SMARCA2: variants seen among roughly 807,000 people sequenced by gnomAD.
SMARCA2 encodes the protein SWI/SNF related BAF chromatin remodeling complex subunit ATPase 2.
In SMARCA2, 61 loss-of-function variants were observed where a neutral mutation model predicts 199.8. That is an observed-to-expected ratio of 0.31 (90% CI 0.25 to 0.38). SMARCA2 has a LOEUF of 0.38. Among genes scored for constraint, SMARCA2 ranks in the 10% least tolerant of loss-of-function variants. The pLI, the probability that SMARCA2 is intolerant of heterozygous loss-of-function variation, is 1.00. For synonymous variants in SMARCA2, 935 were observed against 732.0 expected (o/e 1.28, Z -4.48); for missense variants, 1,344 against 2,012.2 (o/e 0.67, Z 6.35).
chr9:2,033,634 C>T (rs1819171604), intron 3 of SMARCA2, among the ~76,000 whole-genome samples: 3 of 152,204 alleles, frequency 2.0e-5, no homozygotes, highest in Admixed American at 1.3e-4. Context: ...TAGCAAATTA[C>T]CACAAACAGA....
intron 23 of SMARCA2, among the ~76,000 whole-genome samples, chr9:2,109,525 C>A (rs1438813204): frequency 6.6e-6 from 1 of 152,108 alleles, no homozygotes; most frequent in Admixed American, 6.5e-5. Flanking sequence ...GGGCAAACCA[C>A]CCCCAAGTAT....
intron 29 of SMARCA2, among the ~76,000 whole-genome samples, chr9:2,177,343 T>C (rs930318704): frequency 2.6e-5 from 4 of 152,212 alleles, no homozygotes; most frequent in African/African-American, 7.2e-5. Flanking sequence ...TGAAGTAAGA[T>C]AGTCACATTT....
intron 32 of SMARCA2, among the ~76,000 whole-genome samples, chr9:2,191,012 G>A (rs1442382421): frequency 1.3e-5 from 2 of 149,424 alleles, no homozygotes; most frequent in East Asian, 3.9e-4. Flanking sequence ...CAGCCCCACT[G>A]TCCTCCATGA....
At chr9:2,097,227 C>G in intron 20 of SMARCA2, 158 bp from the exon 21 acceptor site, 2 of 553,750 alleles carry the variant, frequency 3.6e-6, no homozygotes, top group African/African-American at 1.9e-5. Context: ...AACTCAGGAA[C>G]TGCTATATAA....
chr9:2,133,059 G>A (rs1198191766), intron 27 of SMARCA2, among the ~76,000 whole-genome samples: 1 of 152,114 alleles, frequency 6.6e-6, no homozygotes, highest in Non-Finnish European at 1.5e-5. Flanking sequence ...CTGGTCTTGA[G>A]TTATGTCCTC....
At chr9:2,098,279 A>G (rs1429949035) in intron 21 of SMARCA2, among the ~76,000 whole-genome samples, 1 of 152,252 alleles carries the variant, frequency 6.6e-6, no homozygotes, top group African/African-American at 2.4e-5. Context: ...CAGTGTCTGC[A>G]CCAATTTATT....
intron 9 of SMARCA2, among the ~76,000 whole-genome samples, chr9:2,063,740 A>AT (rs78255618): frequency 0.81 from 120,430 of 149,100 alleles, 49,107 homozygotes; most frequent in Middle Eastern, 0.94. Flanking sequence ...CTAGTGTACA[A>AT]TTTTTTTTTT....
At chr9:2,149,258 C>A (rs926330072) in intron 27 of SMARCA2, among the ~76,000 whole-genome samples, 3 of 151,272 alleles carry the variant, frequency 2.0e-5, no homozygotes, top group Non-Finnish European at 3.0e-5. Flanking sequence ...TGGCTCACAC[C>A]TGTAATCCAA....
chr9:2,068,734 T>TC (rs567136998), intron 9 of SMARCA2, among the ~76,000 whole-genome samples: 179 of 152,178 alleles, frequency 1.2e-3, no homozygotes, highest in African/African-American at 4.0e-3. Context: ...TTTTTTTTTT[T>TC]CTCTCATTAT....
intron 11 of SMARCA2, 91 bp from the exon 12 acceptor site, chr9:2,073,475 A>G: frequency 6.8e-7 from 1 of 1,462,200 alleles, no homozygotes; most frequent in Non-Finnish European, 9.4e-7. Context: ...TGTCTTTTAT[A>G]CATAGAATGT....
chr9:2,159,035 C>A, intron 27 of SMARCA2: 2 of 1,591,112 alleles, frequency 1.3e-6, no homozygotes, highest in Non-Finnish European at 1.7e-6. Flanking sequence ...TAAGAATCTG[C>A]ACGTATTAGC....
At chr9:2,157,808 C>A in intron 27 of SMARCA2, 1 of 398,094 alleles carries the variant, frequency 2.5e-6, no homozygotes, top group Non-Finnish European at 4.4e-6. Flanking sequence ...CGCATAACAG[C>A]AATTCTTTAC....
chr9:2,065,986 C>A (rs1236964431), intron 9 of SMARCA2, among the ~76,000 whole-genome samples: 1 of 152,146 alleles, frequency 6.6e-6, no homozygotes, highest in Admixed American at 6.5e-5. Context: ...AAGAAACAAC[C>A]CAAGTAATTT....
chr9:2,143,221 T>C (rs2376308), intron 27 of SMARCA2, among the ~76,000 whole-genome samples: 122,169 of 152,118 alleles, frequency 0.8, 49,556 homozygotes, highest in African/African-American at 0.92. Context: ...CCAAGGGAAG[T>C]ATACGAAGGC....
intron 16 of SMARCA2, 84 bp from the exon 17 acceptor site, chr9:2,084,002 G>C: frequency 1.4e-6 from 1 of 709,014 alleles, no homozygotes; most frequent in East Asian, 2.6e-5. Context: ...TCACATGTCT[G>C]GGCATCATTA....
At chr9:2,069,322 C>T (rs911610164) in intron 9 of SMARCA2, among the ~76,000 whole-genome samples, 6 of 151,072 alleles carry the variant, frequency 4.0e-5, no homozygotes, top group African/African-American at 9.7e-5. Flanking sequence ...GCTGGGAGGC[C>T]GAGGCAGGCG....
Position 2,084,163 on chromosome 9 carries a change from G to A in SMARCA2, c.2493G>A (p.Glu831=). 4 of 1,606,942 alleles carry A rather than the reference G, an allele frequency of 2.5e-6. No individual in the cohort carries two copies. The highest frequency in any genetic ancestry group is 2.2e-5 in the South Asian group (2 of 90,892). ...TCAATGTCCTCTTGACTACTTATGA[G>A]TATATTATAAAAGACAAGCACATTC... The part of the protein sequence containing the change: ...GKFNVLLTTY[E]YIIKDKHILA... The change falls in exon 17 of 34, where the codon GAG becomes GAA. Residue 831 remains glutamate, a synonymous_variant. Coordinates refer to ENST00000349721, the MANE Select transcript of SMARCA2 (RefSeq NM_003070.5).
Position 2,110,083 on chromosome 9 carries a change from T to C in SMARCA2, c.3293-171T>C, listed in dbSNP as rs867406514. Among the ~76,000 whole-genome samples the C allele has an allele frequency of 2.6e-5, 4 of 152,342 alleles. No individual in the cohort carries two copies. In the South Asian group the frequency reaches 8.3e-4, roughly 32 times the overall value. ...GCTGTTTCTTTCTTTTTTTTTGTAA[T>C]TGCAAAATGTTCAAAGTTTTTTATC... is the stretch of plus-strand genomic sequence containing the variant. On this transcript the variant is annotated intron_variant, in intron 23 of 33. Coordinates refer to ENST00000349721, the MANE Select transcript of SMARCA2 (RefSeq NM_003070.5). The surrounding 1 kb of genome is among the most constrained non-coding windows in gnomAD (Gnocchi z 4.8).
intron 4 of SMARCA2, chr9:2,044,225 T>A (rs961551093): frequency 6.6e-6 from 1 of 152,208 alleles, no homozygotes; most frequent in African/African-American, 2.4e-5. Context: ...TTTTATACAA[T>A]CTGTCGGAGG....
Sources: gnomAD v4.1 joint callset for allele counts (sites outside exome capture counted in the v4.1 genomes callset) on GRCh38, gnomAD v4.1.1 for gene constraint, Gnocchi (gnomAD v3.1) non-coding constraint, MANE v1.5 for transcripts, NCBI Gene and HGNC (gene_info 2026-07-23, HGNC 2026-07-21) for gene names.